The following PLCH1 variants were observed in gnomAD, a reference collection of about 807,000 sequenced individuals.
PLCH1 encodes the protein 1-phosphatidylinositol 4,5-bisphosphate phosphodiesterase eta-1.
A neutral mutation model predicts 126.7 loss-of-function variants in PLCH1; 60 were observed. That is an observed-to-expected ratio of 0.47 (90% CI 0.38 to 0.59). PLCH1 has a LOEUF of 0.59. PLCH1 is among the 20% of genes least tolerant of loss of function. PLCH1 has a pLI of 0.00. For missense variants in PLCH1, 1,723 were observed against 2,040.0 expected, an observed-to-expected ratio of 0.84 and a Z score of 2.99; for synonymous variants, 719 against 734.9, an observed-to-expected ratio of 0.98 and a Z score of 0.35.
chr3:155,578,984 G>A (rs1190869205), intron 6 of PLCH1, among the ~76,000 whole-genome samples: 1 of 152,030 alleles, frequency 6.6e-6, no homozygotes, highest in East Asian at 1.9e-4. Flanking sequence ...GAACAAACAC[G>A]CCTTACTAAA....
intron 21 of PLCH1, among the ~76,000 whole-genome samples, chr3:155,474,336 T>A (rs1252175444): frequency 4.0e-5 from 6 of 150,044 alleles, no homozygotes; most frequent in Non-Finnish European, 7.4e-5. Flanking sequence ...ATGCTCATCA[T>A]CACTGGCCAT....
intron 3 of PLCH1, among the ~76,000 whole-genome samples, chr3:155,595,841 G>A (rs1732910354): frequency 6.6e-6 from 1 of 151,994 alleles, no homozygotes. Flanking sequence ...AATTTAAATG[G>A]TGTTGTTAAT....
intron 21 of PLCH1, among the ~76,000 whole-genome samples, chr3:155,469,390 C>A (rs570872280): frequency 3.3e-5 from 5 of 152,204 alleles, no homozygotes; most frequent in African/African-American, 9.7e-5. Flanking sequence ...CGGTGCACCA[C>A]GAGATTATAT....
intron 2 of PLCH1, among the ~76,000 whole-genome samples, chr3:155,661,666 G>A (rs1051686765): frequency 8.5e-5 from 13 of 152,136 alleles, no homozygotes; most frequent in Non-Finnish European, 1.9e-4. Flanking sequence ...AAAAGTGTCT[G>A]GCAGGGTCTC....
At chr3:155,663,111 T>C (rs1742365014) in intron 2 of PLCH1, among the ~76,000 whole-genome samples, 1 of 152,234 alleles carries the variant, frequency 6.6e-6, no homozygotes, top group African/African-American at 2.4e-5. Flanking sequence ...GTGCAGATTA[T>C]AAGGATGCCA....
intron 4 of PLCH1, among the ~76,000 whole-genome samples, chr3:155,587,876 C>T (rs569140401): frequency 5.3e-5 from 8 of 152,052 alleles, no homozygotes; most frequent in South Asian, 2.1e-4. Context: ...GCAAGTACTG[C>T]GTGCATATTT....
At chr3:155,550,761 C>A (rs1489992469) in intron 9 of PLCH1, among the ~76,000 whole-genome samples, 1 of 152,146 alleles carries the variant, frequency 6.6e-6, no homozygotes, top group African/African-American at 2.4e-5. Flanking sequence ...TGTCTTCAGA[C>A]ATAATAGGCA....
chr3:155,544,335 A>T (rs1724870210), intron 10 of PLCH1, among the ~76,000 whole-genome samples: 1 of 152,248 alleles, frequency 6.6e-6, no homozygotes, highest in Non-Finnish European at 1.5e-5. Flanking sequence ...AAGAAGAGCT[A>T]ACTATCCTAA....
chr3:155,584,678 G>GTACA, intron 5 of PLCH1, among the ~76,000 whole-genome samples: 1 of 152,270 alleles, frequency 6.6e-6, no homozygotes, highest in Admixed American at 6.5e-5. Flanking sequence ...AATTTGTGAA[G>GTACA]TACACTCAAC....
At position 155,730,984 on chromosome 3, in the gene PLCH1, G is replaced by A. The variant is rs139727749; in HGVS notation, c.-41+13856C>T. Among the ~76,000 whole-genome samples, 123 of 152,288 alleles carry A rather than the reference G, an allele frequency of 8.1e-4. 1 individual carries two copies. The highest frequency in any genetic ancestry group is 2.4e-3 in the Admixed American group (37 of 15,304). ...TCCAGACTCCAGACCGGTAACCATG[G>A]ACTGAGCCTCCAGGCCTACCCTGGC... On this transcript the variant is annotated intron_variant, in intron 1 of 22. Transcript: ENST00000460012.
At chr3:155,674,745 C>T (rs1407715382) in intron 2 of PLCH1, among the ~76,000 whole-genome samples, 1 of 152,102 alleles carries the variant, frequency 6.6e-6, no homozygotes, top group African/African-American at 2.4e-5. Context: ...ACTTTGAAAG[C>T]TTATATGAGT....
intron 6 of PLCH1, among the ~76,000 whole-genome samples, chr3:155,579,894 T>TTCTC (rs772390671): frequency 5.4e-5 from 8 of 147,496 alleles, no homozygotes; most frequent in African/African-American, 1.2e-4. Flanking sequence ...CTGTCTCTCT[T>TTCTC]TCTCTCTCTC....
intron 19 of PLCH1, among the ~76,000 whole-genome samples, 165 bp from the exon 20 acceptor site, chr3:155,488,971 G>A (rs139180643): frequency 7.8e-4 from 118 of 152,228 alleles, no homozygotes; most frequent in African/African-American, 2.5e-3. Context: ...ATAAAGCCTC[G>A]AAATTTACCC....
intron 1 of PLCH1, among the ~76,000 whole-genome samples, chr3:155,729,069 A>C (rs546290441): frequency 2.0e-5 from 3 of 152,338 alleles, no homozygotes; most frequent in African/African-American, 7.2e-5. Context: ...AATAGTGGAA[A>C]TGGATTTCAG....
At chr3:155,731,584 C>T (rs2109177772) in intron 1 of PLCH1, among the ~76,000 whole-genome samples, 1 of 152,258 alleles carries the variant, frequency 6.6e-6, no homozygotes, top group Non-Finnish European at 1.5e-5. Flanking sequence ...TTTGGAAGGG[C>T]TGACTGATAA....
intron 10 of PLCH1, 41 bp downstream of exon 10, chr3:155,549,745 CT>C (rs1725855467): frequency 7.1e-7 from 1 of 1,405,874 alleles, no homozygotes; most frequent in Admixed American, 1.8e-5. Context: ...GCAGGCTTAG[CT>C]GATAATGAAT....
chr3:155,665,965 C>A (rs147477949), intron 2 of PLCH1, among the ~76,000 whole-genome samples: 297 of 152,316 alleles, frequency 1.9e-3, no homozygotes, highest in Non-Finnish European at 3.6e-3. Flanking sequence ...TAACTATCAG[C>A]ATCTTCTCAT....
Position 155,512,687 on chromosome 3 carries a change from C to T in PLCH1, c.1632+2036G>A, listed in dbSNP as rs146004955. On this transcript the variant is annotated intron_variant, in intron 12 of 22. Transcript: ENST00000460012. ...GTGCACGTGTGGACTCCTACACATG[C>T]ACACTCTGTGGGTGTCACCGCTAGG... is the stretch of plus-strand genomic sequence containing the variant. 4.2e-3 allele frequency among the ~76,000 whole-genome samples: 632 copies of T among 152,284 alleles called. 4 individuals are homozygous for T. Among genetic ancestry groups the T allele is most frequent in the African/African-American group, 0.014 (597 of 41,548 alleles).
At chr3:155,670,562 A>T (rs561837727) in intron 2 of PLCH1, among the ~76,000 whole-genome samples, 1 of 152,236 alleles carries the variant, frequency 6.6e-6, no homozygotes, top group Middle Eastern at 3.4e-3. Flanking sequence ...TGTTTTGCTG[A>T]CAAGTAATTA....
Sources: allele counts gnomAD v4.1 joint callset (sites outside exome capture counted in the v4.1 genomes callset), GRCh38; gene constraint gnomAD v4.1.1; transcripts MANE v1.5; gene names NCBI Gene and HGNC (gene_info 2026-07-23, HGNC 2026-07-21).